Variants in CAMSAP1 observed in about 807,000 individuals in gnomAD.
The protein encoded by CAMSAP1 is calmodulin regulated spectrin associated protein 1.
Under a neutral mutation model 143.5 loss-of-function variants are expected in CAMSAP1, and 58 were observed. That is an observed-to-expected ratio of 0.40 (90% CI 0.33 to 0.50). CAMSAP1 has a LOEUF of 0.50. Ranked by LOEUF, CAMSAP1 falls within the 20% of genes least tolerant of loss-of-function variation. The pLI is 0.45. For synonymous variants in CAMSAP1, 945 were observed against 859.3 expected (o/e 1.10, Z -1.74); for missense variants, 1,969 against 2,115.7 (o/e 0.93, Z 1.36).
chr9:135,889,608 G>A (rs1838227952), intron 1 of CAMSAP1, among the ~76,000 whole-genome samples: 1 of 152,354 alleles, frequency 6.6e-6, no homozygotes, highest in Admixed American at 6.5e-5. Flanking sequence ...GGCTGGAGGG[G>A]CTGCAGAGCC....
chr9:135,881,913 G>T, intron 2 of CAMSAP1, 119 bp from the exon 3 acceptor site: 1 of 1,216,236 alleles, frequency 8.2e-7, no homozygotes, highest in Non-Finnish European at 1.1e-6. Flanking sequence ...CGCCCTTTCC[G>T]TCTGAAGAGA....
chr9:135,834,049 T>C (rs766529769), intron 7 of CAMSAP1, among the ~76,000 whole-genome samples: 1 of 152,168 alleles, frequency 6.6e-6, no homozygotes, highest in Non-Finnish European at 1.5e-5. Context: ...CCAACAGGTA[T>C]GTGAAGAGTT....
intron 1 of CAMSAP1, among the ~76,000 whole-genome samples, chr9:135,885,995 C>T (rs1838108956): frequency 6.6e-6 from 1 of 151,832 alleles, no homozygotes; most frequent in South Asian, 2.1e-4. Flanking sequence ...GTGAAAGCAA[C>T]TACTGCGAGA....
At position 135,827,521 on chromosome 9, in the gene CAMSAP1, C is replaced by T. The variant is rs1835718181; in HGVS notation, c.1109G>A (p.Arg370His). The change falls in exon 8 of 17, where the codon CGC becomes CAC. Residue 370 changes from arginine (R) to histidine (H), a missense_variant. By Grantham distance (29) the Arg-to-His change is conservative. Coordinates refer to ENST00000389532, the MANE Select transcript of CAMSAP1 (RefSeq NM_015447.4). Reference sequence around the variant, plus strand: ...TGCAGCAGGGCTGCCTAGGAAACTGCGTTTGGTCGCGTTGGAGATCGGTAC... The same window carrying T: ...TGCAGCAGGGCTGCCTAGGAAACTGTGTTTGGTCGCGTTGGAGATCGGTAC... ...PPVPISNATK[R>H]SFLGSPAAGT... is the part of the protein sequence containing the mutation. 3.7e-6 allele frequency: 6 copies of T among 1,612,324 alleles called. No homozygotes were observed. The highest frequency in any genetic ancestry group is 1.3e-5 in the African/African-American group (1 of 74,914).
At position 135,882,867 on chromosome 9, in the gene CAMSAP1, A is replaced by G; in HGVS notation, c.372T>C (p.Ser124=). The G allele has an allele frequency of 6.4e-7, 1 of 1,551,174 alleles. No individual in the cohort carries two copies. The highest frequency in any genetic ancestry group is 8.7e-7 in the Non-Finnish European group (1 of 1,146,922). ...LSRKGIYVME[S]DDTPVTESDL... is the part of the protein sequence containing the mutation. ...CGGACTCTGTCACGGGGGTGTCATCACTCTCCATCACATAGATCCCTTTCC... is the reference window on the plus strand; with the variant it reads ...CGGACTCTGTCACGGGGGTGTCATCGCTCTCCATCACATAGATCCCTTTCC... Residue 124 remains serine, a synonymous_variant, in exon 2 of 17, where the codon AGT becomes AGC. Coordinates refer to ENST00000389532, the MANE Select transcript of CAMSAP1 (RefSeq NM_015447.4). The surrounding 1 kb of genome is among the most constrained non-coding windows in gnomAD (Gnocchi z 4.9).
intron 1 of CAMSAP1, among the ~76,000 whole-genome samples, chr9:135,894,569 T>C (rs1838390190): frequency 6.6e-6 from 1 of 152,026 alleles, no homozygotes; most frequent in Non-Finnish European, 1.5e-5. Flanking sequence ...TGGGGACCCA[T>C]GGAAGCCCCA....
In CAMSAP1 at chr9:135,821,849, C is replaced by A. The variant is rs1464883277; in HGVS notation, c.2812G>T (p.Glu938Ter). 6.2e-7 allele frequency: 1 copy of A among 1,613,926 alleles called. No individual in the cohort carries two copies. Among genetic ancestry groups the A allele is most frequent in the Non-Finnish European group, 8.5e-7 (1 of 1,179,902 alleles). The stretch of plus-strand genomic sequence containing the variant: ...TCCTCCCCGTTGTGCTGAGAGTACT[C>A]CTTTGCAAAGTGCTCCGGCCTGAGG... Reference protein sequence around the residue: ...PPLRPEHFAKEYSQHNGEDCG... With the variant: ...PPLRPEHFAK Residue 938 changes from glutamate to a stop codon, truncating the protein, a stop_gained, in exon 11 of 17, where the codon GAG becomes TAG. Transcript: ENST00000389532. LOFTEE classifies it high-confidence loss of function. The surrounding 1 kb of genome is among the most constrained non-coding windows in gnomAD (Gnocchi z 4.6).
chr9:135,838,941 A>G (rs928539122), intron 7 of CAMSAP1, among the ~76,000 whole-genome samples: 2 of 151,426 alleles, frequency 1.3e-5, no homozygotes, highest in Non-Finnish European at 2.9e-5. Context: ...CTTCAGAGAC[A>G]TATCACCACA....
At chr9:135,850,257 A>G (rs1836726248) in intron 6 of CAMSAP1, 24 bp from the exon 7 acceptor site, 2 of 1,612,902 alleles carry the variant, frequency 1.2e-6, no homozygotes, top group Middle Eastern at 1.7e-4. Flanking sequence ...ACAAAAAACC[A>G]AAGTATGATA....
intron 10 of CAMSAP1, 54 bp from the exon 11 acceptor site, chr9:135,823,314 C>T (rs1835554581): frequency 6.6e-7 from 1 of 1,504,966 alleles, no homozygotes; most frequent in East Asian, 2.3e-5. Flanking sequence ...CAAAGACCCC[C>T]AACATGGACC....
chr9:135,809,864 C>T lies in CAMSAP1; in HGVS notation c.*1445G>A, dbSNP rs894282478. The T allele has an allele frequency of 6.6e-6, 1 of 152,568 alleles. No individual in the cohort carries two copies. Among genetic ancestry groups the T allele is most frequent in the Non-Finnish European group, 1.5e-5 (1 of 68,044 alleles). The allele number at this position is 152,568 out of a possible 1,614,324, so 9.5% of individuals were successfully genotyped here. On this transcript the variant is annotated 3_prime_UTR_variant, in exon 17 of 17. Transcript: ENST00000389532. ...GAAAGGGGAATAAGACCTATAATTC[C>T]TTCTAGCCTTCTGTACCATGTTCCC...
chr9:135,842,930 CAACT>C (rs1221048710), intron 7 of CAMSAP1, among the ~76,000 whole-genome samples: 1 of 152,188 alleles, frequency 6.6e-6, no homozygotes, highest in East Asian at 1.9e-4. Flanking sequence ...GAAACTGCAT[CAACT>C]AACGGGCAAA....
rs190467641 is a variant in CAMSAP1 at position 135,811,002 on chromosome 9, G to A, written c.*307C>T. On this transcript the variant is annotated 3_prime_UTR_variant, in exon 17 of 17. Coordinates refer to ENST00000389532, the MANE Select transcript of CAMSAP1 (RefSeq NM_015447.4). This position sits in a 1 kb window ranked among gnomAD's most constrained non-coding sequence, Gnocchi z 4.9. ...AGGGAGCTCCGTGGCCCGGGACCTGGCTGTGAACACCCTCCGCTGGGAGCC... is the reference window on the plus strand; with the variant it reads ...AGGGAGCTCCGTGGCCCGGGACCTGACTGTGAACACCCTCCGCTGGGAGCC... 3.6e-4 allele frequency: 138 copies of A among 380,320 alleles called. No individual in the cohort carries two copies. Among genetic ancestry groups the A allele is most frequent in the African/African-American group, 2.5e-3 (123 of 49,220 alleles). 23.6% of individuals were successfully genotyped at this position (380,320 alleles called of 1,614,324 possible).
Position 135,883,074 on chromosome 9 carries a change from G to A in CAMSAP1, c.165C>T (p.Asn55=), listed in dbSNP as rs1465552798. The A allele has an allele frequency of 1.3e-6, 2 of 1,551,674 alleles. No homozygotes were observed. Among genetic ancestry groups the A allele is most frequent in the Non-Finnish European group, 1.7e-6 (2 of 1,146,986 alleles). Reference sequence around the variant, plus strand: ...AAGGGTCTCTGAGGTCCTCAGGGATGTTATCTAAGACAGGGAGGGGATGAC... The same window carrying A: ...AAGGGTCTCTGAGGTCCTCAGGGATATTATCTAAGACAGGGAGGGGATGAC... The part of the protein sequence containing the change: ...WICAKAYGRD[N]IPEDLRDPFY... The change falls in exon 2 of 17, where the codon AAC becomes AAT. Residue 55 remains asparagine (N), a synonymous_variant. Transcript: ENST00000389532.
intron 1 of CAMSAP1, among the ~76,000 whole-genome samples, chr9:135,899,750 GCTTCT>G (rs1838562149): frequency 6.6e-6 from 1 of 152,036 alleles, no homozygotes; most frequent in Non-Finnish European, 1.5e-5. Context: ...TATTGTCTTT[GCTTCT>G]CTTAATTCGT....
intron 1 of CAMSAP1, among the ~76,000 whole-genome samples, chr9:135,903,854 TAGA>T (rs111570886): frequency 0.014 from 2,131 of 152,292 alleles, 57 homozygotes; most frequent in African/African-American, 0.047. Context: ...GCTGCTGGAT[TAGA>T]AGAAGTGTTG....
Position 135,882,177 on chromosome 9 carries a change from C to A in CAMSAP1, c.424-383G>T, listed in dbSNP as rs1837982149. Among the ~76,000 whole-genome samples the A allele has an allele frequency of 2.0e-5, 3 of 152,196 alleles. No homozygotes were observed. Among genetic ancestry groups the A allele is most frequent in the Admixed American group, 2.0e-4 (3 of 15,292 alleles). On this transcript the variant is annotated intron_variant, in intron 2 of 16. Transcript: ENST00000389532. The surrounding 1 kb of genome is among the most constrained non-coding windows in gnomAD (Gnocchi z 4.9). Reference sequence around the variant, plus strand: ...CAGGAGACCTGCCCCAGGCCAACTGCCCACCAGAGGCCTCTGGCTCCTAGT... The same window carrying A: ...CAGGAGACCTGCCCCAGGCCAACTGACCACCAGAGGCCTCTGGCTCCTAGT...
At chr9:135,865,890 C>T (rs919157757) in intron 4 of CAMSAP1, among the ~76,000 whole-genome samples, 1 of 152,234 alleles carries the variant, frequency 6.6e-6, no homozygotes, top group Non-Finnish European at 1.5e-5. Flanking sequence ...GGTCGGGCTG[C>T]ATCTTGTGTG....
chr9:135,822,801 C>A lies in CAMSAP1; in HGVS notation c.1860G>T (p.Pro620=). 1 of 1,613,944 alleles carries A rather than the reference C, an allele frequency of 6.2e-7. No homozygotes were observed. Among genetic ancestry groups the A allele is most frequent in the Non-Finnish European group, 8.5e-7 (1 of 1,179,870 alleles). ...TGGGCCTCCTAGACACGATGCTCCT[C>A]GGTCTCCCTTCCCCCCGTTCATCCT... ...TKEDERGEGR[P]RSIVSRRPSE... Residue 620 remains proline (P), a synonymous_variant, in exon 11 of 17, where the codon CCG becomes CCT. Transcript: ENST00000389532. This position sits in a 1 kb window ranked among gnomAD's most constrained non-coding sequence, Gnocchi z 6.1.
Sources: gnomAD v4.1 joint callset for allele counts (sites outside exome capture counted in the v4.1 genomes callset) on GRCh38, gnomAD v4.1.1 for gene constraint, Gnocchi (gnomAD v3.1) non-coding constraint, MANE v1.5 for transcripts, NCBI Gene and HGNC (gene_info 2026-07-23, HGNC 2026-07-21) for gene names.